The following TMEM30A variants were observed in gnomAD, a reference collection of about 807,000 sequenced individuals.
TMEM30A encodes cell cycle control protein 50A.
A neutral mutation model predicts 38.2 loss-of-function variants in TMEM30A; 24 were observed. The observed-to-expected ratio is 0.63, with a 90% confidence interval of 0.46 to 0.88. The LOEUF (loss-of-function observed/expected upper bound fraction) is 0.88, where lower values mean the gene tolerates loss of function less well. Ranked by LOEUF, TMEM30A falls within the 40% of genes least tolerant of loss-of-function variation. The probability of loss-of-function intolerance (pLI) is 0.00; values close to 1 mark genes in which losing one functional copy is unlikely to be tolerated. For missense variants in TMEM30A, 370 were observed against 458.6 expected (o/e 0.81, Z 1.77); for synonymous variants, 145 against 161.6 (o/e 0.90, Z 0.78).
chr6:75,277,938 A>G (rs1408793223), intron 1 of TMEM30A, among the ~76,000 whole-genome samples: 1 of 152,174 alleles, frequency 6.6e-6, no homozygotes, highest in Admixed American at 6.5e-5. Context: ...AAATAAAAGG[A>G]TATTTTTGTT....
chr6:75,279,256 TTA>T (rs1470388963), intron 1 of TMEM30A, among the ~76,000 whole-genome samples: 2 of 152,138 alleles, frequency 1.3e-5, no homozygotes, highest in African/African-American at 4.8e-5. Flanking sequence ...TTAACTCAGC[TTA>T]TGAGTTTTCA....
At chr6:75,271,450 CAT>C (rs1772168142) in intron 1 of TMEM30A, among the ~76,000 whole-genome samples, 1 of 152,020 alleles carries the variant, frequency 6.6e-6, no homozygotes. Context: ...TAAAAAATTA[CAT>C]GTCTTTTGAT....
intron 1 of TMEM30A, among the ~76,000 whole-genome samples, chr6:75,273,685 T>C (rs1772214363): frequency 6.6e-6 from 1 of 152,196 alleles, no homozygotes; most frequent in Non-Finnish European, 1.5e-5. Flanking sequence ...AATAACCTGT[T>C]TGTTAAATTT....
chr6:75,273,646 T>G (rs771454606), intron 1 of TMEM30A, among the ~76,000 whole-genome samples: 26 of 152,300 alleles, frequency 1.7e-4, no homozygotes, highest in Non-Finnish European at 2.5e-4. Flanking sequence ...AGTTTTGATA[T>G]TTGTCTCTCT....
intron 1 of TMEM30A, among the ~76,000 whole-genome samples, chr6:75,273,308 T>C (rs1333881687): frequency 6.6e-6 from 1 of 152,080 alleles, no homozygotes; most frequent in Admixed American, 6.6e-5. Flanking sequence ...TATAAACAGA[T>C]AGGAAATAGG....
intron 1 of TMEM30A, among the ~76,000 whole-genome samples, chr6:75,283,669 AACAAAACAAG>A (rs1358300073): frequency 1.3e-5 from 2 of 152,074 alleles, no homozygotes; most frequent in Admixed American, 6.5e-5. Flanking sequence ...AAAAAAACAA[AACAAAACAAG>A]ACAAAACAAA....
Position 75,259,340 on chromosome 6 carries a change from G to A in TMEM30A, c.685+7C>T. 6.2e-7 allele frequency: 1 copy of A among 1,605,538 alleles called. No individual in the cohort carries two copies. The highest frequency in any genetic ancestry group is 8.5e-7 in the Non-Finnish European group (1 of 1,177,402). ...TAATTTTTTAAGGGATATTAGTAATGTTTTACCTTTAAATCGTTCTTCCAG... is the reference window on the plus strand; with the variant it reads ...TAATTTTTTAAGGGATATTAGTAATATTTTACCTTTAAATCGTTCTTCCAG... On this transcript the variant is annotated splice_region_variant and intron_variant, in intron 5 of 6. Coordinates refer to ENST00000230461, the MANE Select transcript of TMEM30A (RefSeq NM_018247.4).
intron 1 of TMEM30A, among the ~76,000 whole-genome samples, chr6:75,269,797 T>A (rs932209525): frequency 6.6e-6 from 1 of 152,172 alleles, no homozygotes; most frequent in Middle Eastern, 3.4e-3. Flanking sequence ...TGGGTTCAAG[T>A]GATTCTCCTG....
chr6:75,256,197 C>T lies in TMEM30A; in HGVS notation c.991G>A (p.Ala331Thr), dbSNP rs1438607952. Residue 331 changes from alanine (A) to threonine (T), a missense_variant, in exon 7 of 7, where the codon GCT becomes ACT. Coordinates refer to ENST00000230461, the MANE Select transcript of TMEM30A (RefSeq NM_018247.4). The stretch of plus-strand genomic sequence containing the variant: ...AGAAGGAAGGAGATGGATCCAACAG[C>T]GATGTAAGCAATCCCCAAAAATGGA... ...KNPFLGIAYIAVGSISFLLGV... is the reference protein window; with the variant it reads ...KNPFLGIAYITVGSISFLLGV... The T allele has an allele frequency of 5.6e-6, 9 of 1,613,248 alleles. No individual in the cohort carries two copies. Among genetic ancestry groups the T allele is most frequent in the Admixed American group, 1.7e-5 (1 of 59,944 alleles).
At chr6:75,283,223 A>G (rs6928329) in intron 1 of TMEM30A, among the ~76,000 whole-genome samples, 1 of 152,190 alleles carries the variant, frequency 6.6e-6, no homozygotes, top group Non-Finnish European at 1.5e-5. Flanking sequence ...ACTGCAAATT[A>G]AACTGGAACC....
intron 3 of TMEM30A, among the ~76,000 whole-genome samples, chr6:75,264,513 G>A (rs1439362715): frequency 6.6e-6 from 1 of 152,064 alleles, no homozygotes. Flanking sequence ...ATGCGCACCT[G>A]TAATCCCAGA....
At chr6:75,263,306 A>G (rs1162849957) in intron 3 of TMEM30A, among the ~76,000 whole-genome samples, 1 of 152,236 alleles carries the variant, frequency 6.6e-6, no homozygotes, top group Non-Finnish European at 1.5e-5. Context: ...GATTACGCAT[A>G]GCTCAGATCA....
intron 1 of TMEM30A, among the ~76,000 whole-genome samples, chr6:75,278,199 C>T (rs1332249420): frequency 1.3e-5 from 2 of 152,210 alleles, no homozygotes; most frequent in Non-Finnish European, 2.9e-5. Context: ...TAAACTACTA[C>T]TCTCACGTCT....
rs1162480773 is a variant in TMEM30A at position 75,253,699 on chromosome 6, C to A, written c.*2403G>T. ...TCAACGTTACAAAGAAACTCACTAG[C>A]AAATAAACAAACGATATTCACTTGA... On this transcript the variant is annotated 3_prime_UTR_variant, in exon 7 of 7. Coordinates refer to ENST00000230461, the MANE Select transcript of TMEM30A (RefSeq NM_018247.4). The A allele has an allele frequency of 2.6e-5, 4 of 152,518 alleles. No individual in the cohort carries two copies. The highest frequency in any genetic ancestry group is 9.7e-5 in the African/African-American group (4 of 41,424). The allele number at this position is 152,518 out of a possible 1,614,324, so 9.4% of individuals were successfully genotyped here.
intron 1 of TMEM30A, among the ~76,000 whole-genome samples, chr6:75,268,445 T>C (rs904677225): frequency 6.6e-6 from 1 of 152,134 alleles, no homozygotes; most frequent in African/African-American, 2.4e-5. Flanking sequence ...TTCAATCAAT[T>C]AGTCAGTGTT....
chr6:75,278,873 T>C (rs548321268), intron 1 of TMEM30A, among the ~76,000 whole-genome samples: 2 of 152,292 alleles, frequency 1.3e-5, no homozygotes, highest in East Asian at 3.9e-4. Context: ...TTAATCACCT[T>C]TCTTGGAATG....
intron 1 of TMEM30A, among the ~76,000 whole-genome samples, chr6:75,274,233 A>G (rs1439950771): frequency 6.6e-6 from 1 of 152,214 alleles, no homozygotes; most frequent in Non-Finnish European, 1.5e-5. Context: ...CACATTCCAG[A>G]AACTATAGTA....
At position 75,267,683 on chromosome 6, in the gene TMEM30A, AGGT is replaced by A. The variant is rs765312662; in HGVS notation, c.300_302del (p.Pro101del). ...GTGTGAAGTTAATGGTACAAAAGCAAGGTGTCACATCCGGAGATAAACATTTAT... is the reference window on the plus strand; with the variant it reads ...GTGTGAAGTTAATGGTACAAAAGCAAGTCACATCCGGAGATAAACATTTAT... On this transcript the variant is annotated inframe_deletion, in exon 2 of 7. Transcript: ENST00000230461. 1.9e-6 allele frequency: 3 copies of A among 1,611,956 alleles called. No individual in the cohort carries two copies. The highest frequency in any genetic ancestry group is 2.7e-5 in the African/African-American group (2 of 74,890).
chr6:75,269,611 C>T (rs1033068565), intron 1 of TMEM30A, among the ~76,000 whole-genome samples: 5 of 152,188 alleles, frequency 3.3e-5, no homozygotes, highest in African/African-American at 1.2e-4. Context: ...CATCCATGTG[C>T]AGGTTTTTGT....
Sources: gnomAD v4.1 joint callset for allele counts (sites outside exome capture counted in the v4.1 genomes callset) on GRCh38, gnomAD v4.1.1 for gene constraint, MANE v1.5 for transcripts, NCBI Gene and HGNC (gene_info 2026-07-23, HGNC 2026-07-21) for gene names.